Variants in LINS1 observed in about 807,000 individuals in gnomAD.
LINS1 encodes lines homolog 1.
Under a neutral mutation model 41.6 loss-of-function variants are expected in LINS1, and 27 were observed. The ratio of observed to expected loss-of-function variants is 0.65; its 90% CI spans 0.48 to 0.89. The LOEUF (loss-of-function observed/expected upper bound fraction) is 0.89, where lower values mean the gene tolerates loss of function less well. Among genes scored for constraint, LINS1 ranks in the 40% least tolerant of loss-of-function variants. The pLI is 0.00. For synonymous variants in LINS1, 336 were observed against 312.9 expected (o/e 1.07, Z -0.78); for missense variants, 955 against 884.1 (o/e 1.08, Z -1.02).
intron 3 of LINS1, 51 bp downstream of exon 3, chr15:100,580,211 TA>T (rs1428227500): frequency 2.5e-5 from 34 of 1,362,244 alleles, no homozygotes; most frequent in South Asian, 3.7e-5. Flanking sequence ...CATTTAAATT[TA>T]AAAAAAATTA....
At chr15:100,576,977 C>G (rs569722018) in intron 3 of LINS1, among the ~76,000 whole-genome samples, 67 of 152,092 alleles carry the variant, frequency 4.4e-4, no homozygotes, top group South Asian at 2.3e-3. Context: ...ATTCAACAAC[C>G]CTTCATGCTA....
intron 1 of LINS1, chr15:100,586,392 T>G (rs1230242673): frequency 6.6e-6 from 1 of 152,262 alleles, no homozygotes; most frequent in Non-Finnish European, 1.5e-5. Context: ...TTGTGTAAAT[T>G]AAATGCTTTG....
chr15:100,579,348 A>C (rs1011095842), intron 3 of LINS1, among the ~76,000 whole-genome samples: 1 of 151,784 alleles, frequency 6.6e-6, no homozygotes, highest in African/African-American at 2.4e-5. Flanking sequence ...GTTTCAAGAA[A>C]GCAAAGACTG....
In LINS1 at chr15:100,569,759, C is replaced by A; in HGVS notation, c.1753G>T (p.Asp585Tyr). The A allele has an allele frequency of 6.2e-7, 1 of 1,613,872 alleles. No individual in the cohort carries two copies. The highest frequency in any genetic ancestry group is 2.2e-5 in the East Asian group (1 of 44,880). Reference protein sequence around the residue: ...HRLTAPHSHRDVCARHSWASD... With the variant: ...HRLTAPHSHRYVCARHSWASD... Reference sequence around the variant, plus strand: ...GCCCAGGAGTGCCGAGCACACACATCTCTGTGACTATGAGGAGCAGTCAAA... The same window carrying A: ...GCCCAGGAGTGCCGAGCACACACATATCTGTGACTATGAGGAGCAGTCAAA... The change falls in exon 7 of 7, where the codon GAT becomes TAT. Residue 585 changes from aspartate (D) to tyrosine (Y), a missense_variant. Coordinates refer to ENST00000314742, the MANE Select transcript of LINS1 (RefSeq NM_001040616.3).
At chr15:100,587,073 C>T (rs1184232431) in intron 1 of LINS1, among the ~76,000 whole-genome samples, 3 of 145,148 alleles carry the variant, frequency 2.1e-5, no homozygotes, top group South Asian at 2.2e-4. Context: ...GCAGCAGAAT[C>T]GCTTGAGCCC....
intron 1 of LINS1, among the ~76,000 whole-genome samples, chr15:100,596,023 C>T (rs2039229005): frequency 1.3e-5 from 2 of 152,214 alleles, no homozygotes; most frequent in Non-Finnish European, 2.9e-5. Flanking sequence ...TGCCATGTGC[C>T]AGTATCTTCC....
intron 1 of LINS1, among the ~76,000 whole-genome samples, chr15:100,593,277 T>A (rs1475975932): frequency 6.6e-6 from 1 of 152,186 alleles, no homozygotes; most frequent in Non-Finnish European, 1.5e-5. Context: ...ATTCTCTTAG[T>A]GTTTTCTCTT....
intron 6 of LINS1, among the ~76,000 whole-genome samples, 179 bp downstream of exon 6, chr15:100,571,715 T>C (rs1367767141): frequency 6.6e-6 from 1 of 152,174 alleles, no homozygotes; most frequent in East Asian, 1.9e-4. Context: ...CCAGCCAGGT[T>C]TTCCTAGCGA....
chr15:100,579,488 A>C (rs1020778920), intron 3 of LINS1, among the ~76,000 whole-genome samples: 17 of 151,914 alleles, frequency 1.1e-4, no homozygotes, highest in Non-Finnish European at 2.1e-4. Context: ...AAAGAAAATA[A>C]AAATGAAAGA....
intron 3 of LINS1, among the ~76,000 whole-genome samples, chr15:100,576,254 C>T (rs1027103654): frequency 6.6e-6 from 1 of 151,834 alleles, no homozygotes; most frequent in Non-Finnish European, 1.5e-5. Flanking sequence ...TTTGAAAAGA[C>T]CAACAAAATT....
intron 3 of LINS1, among the ~76,000 whole-genome samples, chr15:100,577,473 G>A (rs1567085193): frequency 6.6e-6 from 1 of 152,190 alleles, no homozygotes; most frequent in Non-Finnish European, 1.5e-5. Flanking sequence ...CAAGGGATGT[G>A]AAGGACCTCT....
intron 1 of LINS1, among the ~76,000 whole-genome samples, chr15:100,588,064 C>T (rs1024750630): frequency 1.3e-5 from 2 of 152,204 alleles, no homozygotes; most frequent in Admixed American, 6.5e-5. Context: ...CTGTTTATCT[C>T]CTCTATAAAG....
Position 100,569,947 on chromosome 15 carries a change from T to G in LINS1, c.1565A>C (p.Glu522Ala). Residue 522 changes from glutamate (E) to alanine (A), a missense_variant, in exon 7 of 7, where the codon GAA (glutamate) becomes GCA (alanine). Coordinates refer to ENST00000314742, the MANE Select transcript of LINS1 (RefSeq NM_001040616.3). ...FLISSETCFLEYFVRYLKLLQ... is the reference protein window; with the variant it reads ...FLISSETCFLAYFVRYLKLLQ... ...TAATTTTAAATATCTAACAAAATAT[T>G]CAAGAAAACAGGTTTCTGATGAAAT... 1.3e-6 allele frequency: 2 copies of G among 1,590,368 alleles called. No homozygotes were observed. The highest frequency in any genetic ancestry group is 1.7e-6 in the Non-Finnish European group (2 of 1,166,240).
rs139184281 is a variant in LINS1 at position 100,574,017 on chromosome 15, C to T, written c.856G>A (p.Val286Ile). 4.3e-5 allele frequency: 69 copies of T among 1,613,946 alleles called. No individual in the cohort carries two copies. The highest frequency in any genetic ancestry group is 5.6e-5 in the Non-Finnish European group (66 of 1,179,930). The change falls in exon 5 of 7, where the codon GTT becomes ATT. Residue 286 changes from valine to isoleucine, a missense_variant. By Grantham distance (29) the Val-to-Ile change is conservative. Transcript: ENST00000314742. Reference protein sequence around the residue: ...LFLKPSCMLEVITWPIQAFVK... With the variant: ...LFLKPSCMLEIITWPIQAFVK... ...AAAGCCTGAATAGGCCAGGTAATAA[C>T]TTCTAGCATGCAAGATGGTTTCAAA...
chr15:100,601,301 C>A (rs142377640), intron 1 of LINS1, among the ~76,000 whole-genome samples: 11 of 152,236 alleles, frequency 7.2e-5, no homozygotes, highest in African/African-American at 2.6e-4. Context: ...ACTGACGGAC[C>A]ACGAGACAGC....
In LINS1 at chr15:100,580,797, G is replaced by A; in HGVS notation, c.46C>T (p.Leu16Phe). ...EVLEELYKKV[L>F]LGATLENDSH... ...TCATTTTCAAGTGTGGCTCCAAGAA[G>A]TACCTTCTTGTATAACTCTTCTAAA... Residue 16 changes from leucine (L) to phenylalanine (F), a missense_variant, in exon 2 of 7, where the codon CTT becomes TTT. Transcript: ENST00000314742. 1 of 1,611,330 alleles carries A rather than the reference G, an allele frequency of 6.2e-7. No homozygotes were observed. Among genetic ancestry groups the A allele is most frequent in the South Asian group, 1.1e-5 (1 of 90,770 alleles).
chr15:100,574,872 T>A, intron 4 of LINS1, 115 bp downstream of exon 4: 1 of 1,131,358 alleles, frequency 8.8e-7, no homozygotes, highest in Non-Finnish European at 1.3e-6. Flanking sequence ...AGAGACTGAC[T>A]TTTTCATTAC....
chr15:100,573,930 G>C lies in LINS1; in HGVS notation c.943C>G (p.Leu315Val). ...KCLLCKVGED[L>V]CRGSVPALMP... is the part of the protein sequence containing the mutation. ...AAGGCAGGCACAGATCCACGACAGA[G>C]GTCTTCACCCACTTTACAGAGAAGG... Residue 315 changes from leucine to valine, a missense_variant, in exon 5 of 7, where the codon CTC (leucine) becomes GTC (valine). Coordinates refer to ENST00000314742, the MANE Select transcript of LINS1 (RefSeq NM_001040616.3). 6.2e-7 allele frequency: 1 copy of C among 1,614,222 alleles called. No individual in the cohort carries two copies. Among genetic ancestry groups the C allele is most frequent in the Non-Finnish European group, 8.5e-7 (1 of 1,180,040 alleles).
At chr15:100,600,427 C>CTGG (rs1484710527) in intron 1 of LINS1, among the ~76,000 whole-genome samples, 3 of 151,942 alleles carry the variant, frequency 2.0e-5, no homozygotes, top group Non-Finnish European at 4.4e-5. Context: ...CTGATTTGGC[C>CTGG]TGGTCTGTTG....
Sources: gnomAD v4.1 joint callset for allele counts (sites outside exome capture counted in the v4.1 genomes callset) on GRCh38, gnomAD v4.1.1 for gene constraint, MANE v1.5 for transcripts, NCBI Gene and HGNC (gene_info 2026-07-23, HGNC 2026-07-21) for gene names.